The following NRG3 variants were observed in gnomAD, a reference collection of about 807,000 sequenced individuals.
NRG3 encodes pro-neuregulin-3, membrane-bound isoform.
NRG3 carries 31 observed loss-of-function variants against 66.9 expected under a neutral mutation model. The observed-to-expected ratio is 0.46, with a 90% confidence interval of 0.35 to 0.63. The LOEUF (loss-of-function observed/expected upper bound fraction) is 0.63, where lower values mean the gene tolerates loss of function less well. Among genes scored for constraint, NRG3 ranks in the 20% least tolerant of loss-of-function variants. The pLI is 0.00. For missense variants in NRG3, 910 were observed against 878.9 expected (o/e 1.04, Z -0.45); for synonymous variants, 393 against 359.4 (o/e 1.09, Z -1.06).
At chr10:82,256,865 T>C (rs1433824642) in intron 1 of NRG3, among the ~76,000 whole-genome samples, 2 of 152,176 alleles carry the variant, frequency 1.3e-5, no homozygotes, top group Non-Finnish European at 2.9e-5. Context: ...CAGGGAACAT[T>C]ATGTCTCTAT....
chr10:82,464,554 G>A (rs1011288864), intron 2 of NRG3, among the ~76,000 whole-genome samples: 6 of 152,150 alleles, frequency 3.9e-5, no homozygotes, highest in African/African-American at 7.2e-5. Context: ...CAAAGTGCCC[G>A]GCCCTGGGGT....
At chr10:82,539,277 A>G (rs753539901) in intron 2 of NRG3, among the ~76,000 whole-genome samples, 4 of 152,192 alleles carry the variant, frequency 2.6e-5, no homozygotes, top group Non-Finnish European at 4.4e-5. Context: ...ATGAGCTCTA[A>G]CTTTACCTCT....
chr10:81,967,293 C>T (rs980886592), intron 1 of NRG3, among the ~76,000 whole-genome samples: 2 of 151,630 alleles, frequency 1.3e-5, no homozygotes, highest in South Asian at 2.1e-4. Context: ...GAAGATTTAT[C>T]TTAACATTTT....
At chr10:82,450,797 C>A (rs1034050173) in intron 2 of NRG3, among the ~76,000 whole-genome samples, 1 of 152,150 alleles carries the variant, frequency 6.6e-6, no homozygotes, top group Admixed American at 6.5e-5. Context: ...TTGAATCCAA[C>A]AAAAATTTCC....
chr10:82,529,370 A>G (rs1299130050), intron 2 of NRG3, among the ~76,000 whole-genome samples: 1 of 152,182 alleles, frequency 6.6e-6, no homozygotes, highest in African/African-American at 2.4e-5. Context: ...AGAGTAATAC[A>G]TGGGGCATTA....
intron 1 of NRG3, among the ~76,000 whole-genome samples, chr10:82,082,255 C>G (rs1256232522): frequency 6.6e-6 from 1 of 152,180 alleles, no homozygotes; most frequent in African/African-American, 2.4e-5. Flanking sequence ...TCTGAAACAT[C>G]TCAAGCTTTA....
At chr10:81,897,412 TC>T (rs530560806) in intron 1 of NRG3, among the ~76,000 whole-genome samples, 1 of 152,028 alleles carries the variant, frequency 6.6e-6, no homozygotes, top group Non-Finnish European at 1.5e-5. Context: ...CACTGTGAGA[TC>T]CTGGCAGCTT....
chr10:82,768,597 A>C (rs1390113616), intron 3 of NRG3, among the ~76,000 whole-genome samples: 1 of 152,160 alleles, frequency 6.6e-6, no homozygotes. Context: ...TCTTCAAGAA[A>C]ACAGATAAAA....
chr10:82,222,375 A>C (rs2075981502), intron 1 of NRG3, among the ~76,000 whole-genome samples: 1 of 152,098 alleles, frequency 6.6e-6, no homozygotes, highest in African/African-American at 2.4e-5. Context: ...GGTATGTTGG[A>C]AACAAGGAGC....
intron 1 of NRG3, among the ~76,000 whole-genome samples, chr10:82,280,793 C>G (rs1344794084): frequency 6.6e-6 from 1 of 152,176 alleles, no homozygotes; most frequent in African/African-American, 2.4e-5. Context: ...AAGGGGGACT[C>G]TAATTGCACC....
intron 1 of NRG3, among the ~76,000 whole-genome samples, chr10:82,130,301 A>G (rs1338486305): frequency 6.6e-6 from 1 of 151,982 alleles, no homozygotes. Context: ...ATATGTATAC[A>G]TGTGCCTTGT....
At chr10:82,054,831 C>A (rs557419570) in intron 1 of NRG3, among the ~76,000 whole-genome samples, 1 of 148,978 alleles carries the variant, frequency 6.7e-6, no homozygotes, top group East Asian at 2.0e-4. Flanking sequence ...TACAGTGACA[C>A]CCCAGATCTA....
chr10:82,405,765 G>C (rs555508680), intron 2 of NRG3, among the ~76,000 whole-genome samples: 2 of 152,310 alleles, frequency 1.3e-5, no homozygotes, highest in Admixed American at 1.3e-4. Context: ...ACAGCGCCTA[G>C]CCTGGAGTGA....
intron 1 of NRG3, among the ~76,000 whole-genome samples, chr10:82,065,392 A>T (rs770019361): frequency 7.9e-5 from 12 of 152,210 alleles, no homozygotes; most frequent in Non-Finnish European, 1.8e-4. Flanking sequence ...TTTAGGTAAA[A>T]TTTATTGTAT....
At chr10:82,525,648 A>G (rs1423791379) in intron 2 of NRG3, among the ~76,000 whole-genome samples, 2 of 151,874 alleles carry the variant, frequency 1.3e-5, no homozygotes, top group Non-Finnish European at 2.9e-5. Context: ...TGCAATAATG[A>G]TAAAGCATAT....
intron 1 of NRG3, among the ~76,000 whole-genome samples, chr10:81,948,533 C>A (rs1403681399): frequency 1.4e-4 from 22 of 152,134 alleles, no homozygotes; most frequent in Admixed American, 1.4e-3. Flanking sequence ...TGCGTTTAGC[C>A]CTTTCTGAGG....
At chr10:82,501,854 T>G (rs1200338174) in intron 2 of NRG3, among the ~76,000 whole-genome samples, 1 of 152,186 alleles carries the variant, frequency 6.6e-6, no homozygotes, top group Non-Finnish European at 1.5e-5. Flanking sequence ...TTTCATTATT[T>G]ATTTGCGCAT....
chr10:82,207,651 C>T (rs959799104), intron 1 of NRG3, among the ~76,000 whole-genome samples: 34 of 152,262 alleles, frequency 2.2e-4, no homozygotes, highest in African/African-American at 8.2e-4. Context: ...TTAATTGACT[C>T]ACAATTCCAC....
chr10:82,160,219 T>C (rs1471421851), intron 1 of NRG3, among the ~76,000 whole-genome samples: 1 of 152,002 alleles, frequency 6.6e-6, no homozygotes, highest in Non-Finnish European at 1.5e-5. Flanking sequence ...TCAGTGGTTT[T>C]CTGATAGAAG....
Sources: gnomAD v4.1 joint callset for allele counts (sites outside exome capture counted in the v4.1 genomes callset) on GRCh38, gnomAD v4.1.1 for gene constraint, MANE v1.5 for transcripts, NCBI Gene and HGNC (gene_info 2026-07-23, HGNC 2026-07-21) for gene names.